The following JARID2 variants were observed in gnomAD, a reference collection of about 807,000 sequenced individuals.
JARID2 encodes protein Jumonji.
In JARID2, 21 loss-of-function variants were observed where a neutral mutation model predicts 125.6. That is an observed-to-expected ratio of 0.17 (90% CI 0.12 to 0.24). The LOEUF is 0.24. JARID2 is among the 10% of genes least tolerant of loss of function. The pLI is 1.00. For missense variants in JARID2, 1,303 were observed against 1,639.6 expected, an observed-to-expected ratio of 0.79 and a Z score of 3.55; for synonymous variants, 736 against 661.6, an observed-to-expected ratio of 1.11 and a Z score of -1.73.
At chr6:15,433,450 G>GTGTGTA (rs1265838976) in intron 3 of JARID2, among the ~76,000 whole-genome samples, 2 of 145,608 alleles carry the variant, frequency 1.4e-5, no homozygotes, top group Non-Finnish European at 3.0e-5. Flanking sequence ...GTGTGTGTGT[G>GTGTGTA]TATAATTTCA....
intron 1 of JARID2, among the ~76,000 whole-genome samples, chr6:15,349,560 T>C (rs1763356682): frequency 6.6e-6 from 1 of 152,134 alleles, no homozygotes; most frequent in South Asian, 2.1e-4. Context: ...AGCTCCATAA[T>C]TGTAGTTTTG....
chr6:15,479,129 C>T (rs1769490801), intron 5 of JARID2, among the ~76,000 whole-genome samples: 1 of 152,268 alleles, frequency 6.6e-6, no homozygotes, highest in South Asian at 2.1e-4. Flanking sequence ...TGCCTGTTGC[C>T]CCGTAAGGCC....
At chr6:15,317,558 C>T (rs532984544) in intron 1 of JARID2, among the ~76,000 whole-genome samples, 3 of 151,742 alleles carry the variant, frequency 2.0e-5, no homozygotes, top group East Asian at 3.9e-4. Flanking sequence ...GAACTTCATC[C>T]GTAAAGGTGA....
intron 3 of JARID2, among the ~76,000 whole-genome samples, chr6:15,441,626 G>A (rs1767448339): frequency 6.6e-6 from 1 of 152,128 alleles, no homozygotes; most frequent in South Asian, 2.1e-4. Context: ...GGACTTAGAG[G>A]ACACTCTGAG....
At chr6:15,401,167 T>G in intron 2 of JARID2, 1 of 898,424 alleles carries the variant, frequency 1.1e-6, no homozygotes, top group Non-Finnish European at 1.4e-6. Flanking sequence ...TATATATATA[T>G]ATATATGAGA....
intron 2 of JARID2, among the ~76,000 whole-genome samples, chr6:15,393,695 A>G (rs924985379): frequency 6.6e-6 from 1 of 152,230 alleles, no homozygotes; most frequent in Non-Finnish European, 1.5e-5. Flanking sequence ...AAATGCCAGG[A>G]AGAATATACA....
chr6:15,435,431 TCTC>T (rs1459025294), intron 3 of JARID2, among the ~76,000 whole-genome samples: 1 of 152,186 alleles, frequency 6.6e-6, no homozygotes, highest in Non-Finnish European at 1.5e-5. Context: ...AAGAAAGTTG[TCTC>T]CTGTTAGAGC....
intron 1 of JARID2, among the ~76,000 whole-genome samples, chr6:15,354,282 C>T (rs1296838430): frequency 4.6e-5 from 7 of 152,232 alleles, no homozygotes; most frequent in Admixed American, 1.3e-4. Flanking sequence ...TATTAGCAGC[C>T]GTTAGAAGCT....
At chr6:15,406,553 T>C (rs546964435) in intron 2 of JARID2, among the ~76,000 whole-genome samples, 1 of 152,330 alleles carries the variant, frequency 6.6e-6, no homozygotes, top group Admixed American at 6.5e-5. Flanking sequence ...CAGGTACTCA[T>C]TGCAATCCTC....
chr6:15,423,936 C>T (rs1255830721), intron 3 of JARID2, among the ~76,000 whole-genome samples: 1 of 152,114 alleles, frequency 6.6e-6, no homozygotes, highest in African/African-American at 2.4e-5. Flanking sequence ...CCCCAAGACA[C>T]CTCCTCTCCC....
At chr6:15,487,900 G>A (rs1769960090) in intron 6 of JARID2, among the ~76,000 whole-genome samples, 1 of 151,428 alleles carries the variant, frequency 6.6e-6, no homozygotes, top group African/African-American at 2.4e-5. Context: ...CTGCAAATGG[G>A]ATAGTTCTGT....
intron 4 of JARID2, among the ~76,000 whole-genome samples, chr6:15,464,656 C>T (rs1561880667): frequency 6.6e-6 from 1 of 152,174 alleles, no homozygotes; most frequent in East Asian, 1.9e-4. Flanking sequence ...ACCTCCTCCC[C>T]TGGAGTTCAT....
At chr6:15,305,707 G>C (rs1323941773) in intron 1 of JARID2, among the ~76,000 whole-genome samples, 1 of 152,118 alleles carries the variant, frequency 6.6e-6, no homozygotes, top group African/African-American at 2.4e-5. Flanking sequence ...GGGGTCTTCA[G>C]GGTTCTTGGC....
chr6:15,274,314 C>G (rs1418201481), intron 1 of JARID2, among the ~76,000 whole-genome samples: 2 of 152,046 alleles, frequency 1.3e-5, no homozygotes, highest in Non-Finnish European at 2.9e-5. Context: ...TGGGGGATGT[C>G]TTTAATGTTT....
rs1020655634 is a variant in JARID2, at chr6:15,499,716, G to A, written c.1946-1191G>A. On this transcript the variant is annotated intron_variant, in intron 7 of 17. Transcript: ENST00000341776. ...TCTCAGTTCTTAGGTCCCTCCTGTC[G>A]AGGCTGGGGACAGTTCCCTCATGGA... is the stretch of plus-strand genomic sequence containing the variant. Among the ~76,000 whole-genome samples, 7 of 152,198 alleles carry A rather than the reference G, an allele frequency of 4.6e-5. 1 individual carries two copies. The highest frequency in any genetic ancestry group is 3.9e-4 in the Admixed American group (6 of 15,288).
In JARID2 at chr6:15,497,047, G is replaced by T; in HGVS notation, c.1822G>T (p.Val608Phe). 6.2e-7 allele frequency: 1 copy of T among 1,611,576 alleles called. No homozygotes were observed. Among genetic ancestry groups the T allele is most frequent in the Non-Finnish European group, 8.5e-7 (1 of 1,179,000 alleles). ...ECKLNDEMRF[V>F]TQIQHIHKLG... ...CAAGCTCAACGATGAGATGCGGTTTGTCACGCAGATTCAGCACATCCACAA... is the reference window on the plus strand; with the variant it reads ...CAAGCTCAACGATGAGATGCGGTTTTTCACGCAGATTCAGCACATCCACAA... Residue 608 changes from valine to phenylalanine, a missense_variant, in exon 7 of 18, where the codon GTC (valine) becomes TTC (phenylalanine). Physicochemically the swap from Val to Phe is conservative, Grantham distance 50. Transcript: ENST00000341776.
At chr6:15,512,042 G>GT (rs1475987133) in intron 13 of JARID2, among the ~76,000 whole-genome samples, 166 bp from the exon 14 acceptor site, 2 of 152,240 alleles carry the variant, frequency 1.3e-5, no homozygotes, top group Non-Finnish European at 2.9e-5. Flanking sequence ...GACCAGTGCA[G>GT]TTTAGAAGCT....
At chr6:15,281,492 G>A (rs1760748096) in intron 1 of JARID2, among the ~76,000 whole-genome samples, 1 of 152,224 alleles carries the variant, frequency 6.6e-6, no homozygotes, top group Admixed American at 6.5e-5. Flanking sequence ...TAAGCCATCA[G>A]TGGTTTGCAC....
intron 1 of JARID2, among the ~76,000 whole-genome samples, chr6:15,340,514 T>C (rs1483623087): frequency 6.6e-6 from 1 of 152,236 alleles, no homozygotes; most frequent in South Asian, 2.1e-4. Flanking sequence ...CCTTCAGGTT[T>C]ATAAAGACTA....
Sources: allele counts gnomAD v4.1 joint callset (sites outside exome capture counted in the v4.1 genomes callset), GRCh38; gene constraint gnomAD v4.1.1; transcripts MANE v1.5; gene names NCBI Gene and HGNC (gene_info 2026-07-23, HGNC 2026-07-21).